The following MYH10 variants were observed in gnomAD, a reference collection of about 807,000 sequenced individuals.
The protein encoded by MYH10 is myosin-10.
A neutral mutation model predicts 257.8 loss-of-function variants in MYH10; 55 were observed. That is an observed-to-expected ratio of 0.21 (90% CI 0.17 to 0.27). The LOEUF (loss-of-function observed/expected upper bound fraction) is 0.27. MYH10 is among the 10% of genes least tolerant of loss of function. MYH10 has a pLI of 1.00. For missense variants in MYH10, 1,631 were observed against 2,500.6 expected, an observed-to-expected ratio of 0.65 and a Z score of 7.42; for synonymous variants, 854 against 921.7, an observed-to-expected ratio of 0.93 and a Z score of 1.33.
rs1373856525 is a variant in MYH10, at chr17:8,574,983, T to C, written c.663+1660A>G. Among the ~76,000 whole-genome samples the C allele has an allele frequency of 1.3e-4, 20 of 152,366 alleles. No individual in the cohort carries two copies. The South Asian group carries it at 3.5e-3, about 27-fold the overall frequency. Reference sequence around the variant, plus strand: ...AAATTGAGAACGAGTATTCTTCTAATATTTCTAAAAACATCAGCATAGCTA... The same window carrying C: ...AAATTGAGAACGAGTATTCTTCTAACATTTCTAAAAACATCAGCATAGCTA... On this transcript the variant is annotated intron_variant, in intron 6 of 42. Coordinates refer to ENST00000360416, the MANE Select transcript of MYH10 (RefSeq NM_001256012.3).
In MYH10 at chr17:8,504,349, C is replaced by T. The variant is rs1165018825; in HGVS notation, c.3599+345G>A. Among the ~76,000 whole-genome samples, 2 of 152,140 alleles carry T rather than the reference C, an allele frequency of 1.3e-5. No individual in the cohort carries two copies. Among genetic ancestry groups the T allele is most frequent in the Non-Finnish European group, 2.9e-5 (2 of 68,022 alleles). ...ATCTCCTCCTATTCCTGTGTTTACC[C>T]TTCTCCCTCTGGTCCTATCTATCTA... On this transcript the variant is annotated intron_variant, in intron 28 of 42. Coordinates refer to ENST00000360416, the MANE Select transcript of MYH10 (RefSeq NM_001256012.3). The surrounding 1 kb of genome is among the most constrained non-coding windows in gnomAD (Gnocchi z 5.6).
chr17:8,513,625 C>T lies in MYH10; in HGVS notation c.2658G>A (p.Gln886=), dbSNP rs1407172761. ...CCTTCAACAGCTCTTCATCTTTGGC[C>T]TGAAGTTCTTCCTCCTGGCGAGTCA... The part of the protein sequence containing the change: ...LQVTRQEEEL[Q]AKDEELLKVK... Residue 886 remains glutamine, a synonymous_variant, in exon 23 of 43, where the codon CAG becomes CAA. Coordinates refer to ENST00000360416, the MANE Select transcript of MYH10 (RefSeq NM_001256012.3). 6.2e-7 allele frequency: 1 copy of T among 1,614,194 alleles called. No individual in the cohort carries two copies. The highest frequency in any genetic ancestry group is 8.5e-7 in the Non-Finnish European group (1 of 1,180,048).
chr17:8,529,874 G>T (rs2081962179), intron 17 of MYH10, among the ~76,000 whole-genome samples: 1 of 152,022 alleles, frequency 6.6e-6, no homozygotes, highest in Non-Finnish European at 1.5e-5. Flanking sequence ...ATTTTATATT[G>T]GGCTTTTGGA....
intron 2 of MYH10, among the ~76,000 whole-genome samples, chr17:8,611,366 C>T (rs2085032601): frequency 6.6e-6 from 1 of 152,190 alleles, no homozygotes; most frequent in African/African-American, 2.4e-5. Flanking sequence ...ATTCCTTGTA[C>T]ACAATAACTG....
At chr17:8,489,744 C>CACACACACACACACACAA (rs1291962359) in intron 35 of MYH10, among the ~76,000 whole-genome samples, 2 of 138,416 alleles carry the variant, frequency 1.4e-5, no homozygotes. Flanking sequence ...CACACACACA[C>CACACACACACACACACAA]ACCCCAAATC....
chr17:8,600,987 G>A (rs529719356), intron 3 of MYH10, among the ~76,000 whole-genome samples: 1 of 152,288 alleles, frequency 6.6e-6, no homozygotes, highest in South Asian at 2.1e-4. Flanking sequence ...AATGAAAAGG[G>A]AGTATTATGG....
chr17:8,587,929 G>A (rs1050380891), intron 4 of MYH10, among the ~76,000 whole-genome samples: 4 of 151,946 alleles, frequency 2.6e-5, no homozygotes, highest in Non-Finnish European at 4.4e-5. Flanking sequence ...GCTATCCCCA[G>A]TCCACTCCAG....
chr17:8,476,653 A>G (rs1244254249), intron 42 of MYH10, among the ~76,000 whole-genome samples: 2 of 152,188 alleles, frequency 1.3e-5, no homozygotes, highest in Non-Finnish European at 2.9e-5. Context: ...GGTGTGGTGG[A>G]TTAGTGTGGT....
intron 17 of MYH10, among the ~76,000 whole-genome samples, chr17:8,522,930 G>A (rs1597729102): frequency 2.0e-5 from 3 of 152,206 alleles, no homozygotes; most frequent in Admixed American, 2.0e-4. Context: ...TTTTTTAGGA[G>A]CTCCACCTTC....
At chr17:8,503,538 A>G (rs2080977833) in intron 28 of MYH10, among the ~76,000 whole-genome samples, 1 of 152,078 alleles carries the variant, frequency 6.6e-6, no homozygotes, top group Non-Finnish European at 1.5e-5. Flanking sequence ...TCACTGCTCT[A>G]TCGAGCCGGC....
At chr17:8,539,172 T>G (rs1226674038) in intron 14 of MYH10, among the ~76,000 whole-genome samples, 1 of 152,160 alleles carries the variant, frequency 6.6e-6, no homozygotes, top group Non-Finnish European at 1.5e-5. Context: ...GCCTATAGAC[T>G]ACAAGAAATC....
intron 21 of MYH10, among the ~76,000 whole-genome samples, chr17:8,516,277 G>C (rs1195303265): frequency 1.3e-5 from 2 of 152,074 alleles, no homozygotes; most frequent in Non-Finnish European, 2.9e-5. Flanking sequence ...TGTCCTCCAG[G>C]GTGCTTCAAG....
At chr17:8,628,479 C>T (rs2085766793) in intron 1 of MYH10, among the ~76,000 whole-genome samples, 1 of 152,120 alleles carries the variant, frequency 6.6e-6, no homozygotes, top group Admixed American at 6.5e-5. Flanking sequence ...GAAAGGCAAA[C>T]AAGAAGGATG....
At chr17:8,528,199 A>T (rs1479890865) in intron 17 of MYH10, among the ~76,000 whole-genome samples, 2 of 152,188 alleles carry the variant, frequency 1.3e-5, no homozygotes, top group Non-Finnish European at 2.9e-5. Flanking sequence ...GGTATAAACT[A>T]GCATTAGTGA....
intron 2 of MYH10, among the ~76,000 whole-genome samples, chr17:8,612,810 G>A (rs960689696): frequency 6.6e-6 from 1 of 150,994 alleles, no homozygotes; most frequent in Admixed American, 6.6e-5. Flanking sequence ...AGATTGCACC[G>A]TTGCACTCCA....
intron 17 of MYH10, chr17:8,521,568 A>G: frequency 2.4e-6 from 1 of 409,186 alleles, no homozygotes; most frequent in East Asian, 3.8e-5. Flanking sequence ...CTTGGATAAC[A>G]TTCTGACTGT....
chr17:8,497,726 G>A (rs1467235436), intron 30 of MYH10, among the ~76,000 whole-genome samples: 20 of 108,392 alleles, frequency 1.8e-4, no homozygotes, highest in South Asian at 7.2e-4. Context: ...CCGACAGAGC[G>A]AGACTCTGTC....
rs1238331221 is a variant in MYH10 at position 8,490,450 on chromosome 17, C to T, written c.4774G>A (p.Ala1592Thr). Residue 1592 changes from alanine (A) to threonine (T), a missense_variant, in exon 35 of 43, where the codon GCC becomes ACC. Ala to Thr is a moderately conservative substitution (Grantham distance 58). Around this residue, in one of 11 missense-constraint regions of MYH10, gnomAD observed 463 missense variants for 621.8 expected, o/e 0.74. Transcript: ENST00000360416. This position sits in a 1 kb window ranked among gnomAD's most constrained non-coding sequence, Gnocchi z 4.1. ...ATGTTGACCTCCAGACGAAGCTTGG[C>T]ATCTTCCGTGGCCTGGAGTTCGTCT... Reference protein sequence around the residue: ...LEDELQATEDAKLRLEVNMQA... With the variant: ...LEDELQATEDTKLRLEVNMQA... 6.2e-7 allele frequency: 1 copy of T among 1,614,128 alleles called. No homozygotes were observed. Among genetic ancestry groups the T allele is most frequent in the Non-Finnish European group, 8.5e-7 (1 of 1,180,054 alleles).
chr17:8,500,379 C>A (rs968129636), intron 29 of MYH10, among the ~76,000 whole-genome samples: 2 of 152,140 alleles, frequency 1.3e-5, no homozygotes, highest in African/African-American at 4.8e-5. Context: ...AAAGCCAACA[C>A]TGTGTTTGGT....
Sources: allele counts gnomAD v4.1 joint callset (sites outside exome capture counted in the v4.1 genomes callset), GRCh38; gene constraint gnomAD v4.1.1; regional missense constraint gnomAD v4.1.1; non-coding constraint Gnocchi (gnomAD v3.1); transcripts MANE v1.5; gene names NCBI Gene and HGNC (gene_info 2026-07-23, HGNC 2026-07-21).